NLGN4X: variants seen among roughly 807,000 people sequenced by gnomAD.
NLGN4X encodes the protein neuroligin 4 X-linked.
A neutral mutation model predicts 40.3 loss-of-function variants in NLGN4X; 3 were observed. That is an observed-to-expected ratio of 0.07 (90% CI 0.03 to 0.19). The LOEUF (loss-of-function observed/expected upper bound fraction) is 0.19, where lower values mean the gene tolerates loss of function less well. Among genes scored for constraint, NLGN4X ranks in the 10% least tolerant of loss-of-function variants. The pLI, the probability that NLGN4X is intolerant of heterozygous loss-of-function variation, is 1.00. For synonymous variants in NLGN4X, 270 were observed against 306.8 expected (o/e 0.88, Z 1.25); for missense variants, 382 against 708.3 (o/e 0.54, Z 5.23).
At chrX:6,133,441 G>T (rs1218200607) in intron 2 of NLGN4X, among the ~76,000 whole-genome samples, 2 of 111,918 alleles carry the variant, frequency 1.8e-5, no homozygotes, top group African/African-American at 3.2e-5. Context: ...GGTCACTTCA[G>T]AAAATTATCT....
intron 3 of NLGN4X, among the ~76,000 whole-genome samples, chrX:6,008,453 A>G (rs1161933715): frequency 8.9e-6 from 1 of 112,178 alleles, no homozygotes; most frequent in Non-Finnish European, 1.9e-5. Flanking sequence ...TAAACATTTT[A>G]TTAGGAGAAA....
intron 1 of NLGN4X, among the ~76,000 whole-genome samples, chrX:6,165,838 C>T (rs1449499417): frequency 9.0e-6 from 1 of 111,298 alleles, no homozygotes; most frequent in African/African-American, 3.3e-5. Context: ...TTTGTGAGTA[C>T]ATAGCAGGTG....
chrX:5,931,850 G>C (rs1055930557), intron 3 of NLGN4X, among the ~76,000 whole-genome samples: 1 of 111,596 alleles, frequency 9.0e-6, no homozygotes, highest in African/African-American at 3.3e-5. Context: ...ATGGTGAATG[G>C]GAGTGGCTGC....
chrX:6,014,205 G>A (rs764240312), intron 3 of NLGN4X, among the ~76,000 whole-genome samples: 1 of 110,414 alleles, frequency 9.1e-6, no homozygotes, highest in Non-Finnish European at 1.9e-5. Context: ...AAAAAAAAGT[G>A]AGGATCTTAA....
At chrX:6,045,664 C>G (rs1602124637) in intron 2 of NLGN4X, among the ~76,000 whole-genome samples, 1 of 111,222 alleles carries the variant, frequency 9.0e-6, no homozygotes, top group Admixed American at 9.6e-5. Context: ...GTATCTGGTA[C>G]TATTAATGTA....
At chrX:5,893,868 CTTAT>C (rs895746915) in intron 5 of NLGN4X, among the ~76,000 whole-genome samples, 4 of 112,060 alleles carry the variant, frequency 3.6e-5, no homozygotes, top group Non-Finnish European at 5.6e-5. Context: ...AAAAATTGCT[CTTAT>C]TTTTCTTTTA....
intron 2 of NLGN4X, among the ~76,000 whole-genome samples, chrX:6,126,651 CAACAAGTAATG>C (rs1223920288): frequency 8.9e-6 from 1 of 111,948 alleles, no homozygotes; most frequent in East Asian, 2.8e-4. Context: ...GATTAGATCT[CAACAAGTAATG>C]AACTATGCCA....
intron 2 of NLGN4X, 120 bp downstream of exon 2, chrX:6,150,870 ATAAAT>A (rs2040148945): frequency 1.5e-5 from 9 of 596,060 alleles, no homozygotes; most frequent in Admixed American, 3.1e-5. Flanking sequence ...AATATGAAAA[ATAAAT>A]TAAAATAAAA....
At chrX:6,017,401 A>G (rs900856483) in intron 3 of NLGN4X, among the ~76,000 whole-genome samples, 17 of 112,191 alleles carry the variant, frequency 1.5e-4, no homozygotes, top group Non-Finnish European at 2.8e-4. Context: ...ATTCCTAAGT[A>G]ATCTTGTAAG....
chrX:5,978,290 TTCTTTCTTTCTTTC>T (rs2035255143), intron 3 of NLGN4X, among the ~76,000 whole-genome samples: 1 of 39,241 alleles, frequency 2.5e-5, no homozygotes, highest in African/African-American at 2.0e-4. Flanking sequence ...CTTTCTTTCT[TTCTTTCTTTCTTTC>T]TTTCTTTCTT....
At chrX:6,119,994 T>C (rs184584953) in intron 2 of NLGN4X, among the ~76,000 whole-genome samples, 145 of 111,633 alleles carry the variant, frequency 1.3e-3, no homozygotes, top group African/African-American at 3.7e-3. Context: ...ATCTTGTCAC[T>C]GATTCAGAAA....
At chrX:5,912,249 G>C (rs1286684674) in intron 3 of NLGN4X, among the ~76,000 whole-genome samples, 2 of 110,950 alleles carry the variant, frequency 1.8e-5, no homozygotes, top group African/African-American at 6.6e-5. Context: ...CAACTGATTG[G>C]TCCTACTAGG....
intron 1 of NLGN4X, among the ~76,000 whole-genome samples, chrX:6,219,516 CCTG>C (rs1195076604): frequency 9.6e-6 from 1 of 104,216 alleles, no homozygotes; most frequent in African/African-American, 3.5e-5. Flanking sequence ...TCCCTCCCTC[CCTG>C]CTTCCTTTCT....
Position 5,941,178 on chromosome X carries a change from GGGGTGTGTGTGTGTGTGT to G in NLGN4X, c.626-31957_626-31940del, listed in dbSNP as rs1234994347. Among the ~76,000 whole-genome samples, 360 of 51,992 alleles carry G rather than the reference GGGGTGTGTGTGTGTGTGT, an allele frequency of 6.9e-3. 1 individual carries two copies. The highest frequency in any genetic ancestry group is 0.018 in the African/African-American group (213 of 11,514). 45.1% of individuals were successfully genotyped at this position (51,992 alleles called of 115,157 possible). On this transcript the variant is annotated intron_variant, in intron 3 of 5. Transcript: ENST00000381095. ...AACGTTGTTCTGGATCGTATGCTAG[GGGGTGTGTGTGTGTGTGT>G]GTGTGTGTGTGTGTGTGTGTGTGTG...
intron 1 of NLGN4X, among the ~76,000 whole-genome samples, chrX:6,163,048 G>A (rs2040430925): frequency 9.0e-6 from 1 of 111,305 alleles, no homozygotes; most frequent in South Asian, 3.8e-4. Flanking sequence ...GTTTTATAAT[G>A]AGGAGTTCCC....
chrX:5,986,213 C>A (rs1262036807), intron 3 of NLGN4X, among the ~76,000 whole-genome samples: 2 of 110,745 alleles, frequency 1.8e-5, no homozygotes, highest in Non-Finnish European at 3.8e-5. Flanking sequence ...GGATGCAATG[C>A]ATATTGGCAA....
Position 6,134,834 on chromosome X carries a change from C to G in NLGN4X, c.472+16161G>C, listed in dbSNP as rs540800799. Among the ~76,000 whole-genome samples, 8 of 112,601 alleles carry G rather than the reference C, an allele frequency of 7.1e-5. 1 individual carries two copies. The highest frequency in any genetic ancestry group is 2.6e-4 in the African/African-American group (8 of 31,053). On this transcript the variant is annotated intron_variant, in intron 2 of 5. Transcript: ENST00000381095. ...AAAGAAGTCTACTGAGCAGAAAGAG[C>G]AGGCTGACTGAGAAGGACCTCCTTT...
chrX:6,028,068 G>C (rs1189366961), intron 3 of NLGN4X, among the ~76,000 whole-genome samples: 2 of 110,355 alleles, frequency 1.8e-5, no homozygotes, highest in African/African-American at 6.6e-5. Context: ...CTGCCTGCCT[G>C]GGCCTCCCAA....
At chrX:5,960,977 G>T (rs78899881) in intron 3 of NLGN4X, among the ~76,000 whole-genome samples, 659 of 110,422 alleles carry the variant, frequency 6.0e-3, no homozygotes, top group Non-Finnish European at 1.0e-2. Context: ...GACCTCGGGG[G>T]GAGAATTTAT....
Sources: allele counts gnomAD v4.1 joint callset (sites outside exome capture counted in the v4.1 genomes callset), GRCh38; gene constraint gnomAD v4.1.1; transcripts MANE v1.5; gene names NCBI Gene and HGNC (gene_info 2026-07-23, HGNC 2026-07-21).